Variants in SEPTIN11 observed in about 807,000 individuals in gnomAD.
SEPTIN11 encodes septin-11.
In SEPTIN11, 25 loss-of-function variants were observed where a neutral mutation model predicts 51.4. The observed-to-expected ratio is 0.49, with a 90% CI of 0.35 to 0.68. The LOEUF (loss-of-function observed/expected upper bound fraction) is 0.68. Ranked by LOEUF, SEPTIN11 falls within the 30% of genes least tolerant of loss-of-function variation. The pLI, the probability that SEPTIN11 is intolerant of heterozygous loss-of-function variation, is 0.00. For synonymous variants in SEPTIN11, 174 were observed against 184.1 expected (o/e 0.95, Z 0.44); for missense variants, 381 against 520.8 (o/e 0.73, Z 2.61).
At chr4:76,992,356 T>C (rs566035662) in intron 1 of SEPTIN11, among the ~76,000 whole-genome samples, 6 of 152,230 alleles carry the variant, frequency 3.9e-5, no homozygotes, top group Admixed American at 3.3e-4. Context: ...GAAATAATTA[T>C]GCTGTCTGGG....
chr4:77,019,243 C>A lies in SEPTIN11; in HGVS notation c.766C>A (p.Pro256Thr). The change falls in exon 6 of 10, where the codon CCC (proline) becomes ACC (threonine). Residue 256 changes from proline to threonine, a missense_variant. Around this residue, in one of 2 missense-constraint regions of SEPTIN11, gnomAD observed 197 missense variants for 313.1 expected, o/e 0.63. Coordinates refer to ENST00000264893, the MANE Select transcript of SEPTIN11 (RefSeq NM_018243.4). ...CAAGATGGCAAAGGCCAGGCAGTAC[C>A]CCTGGGGTGTGGTGCAGGGTATGTG... ...GNKMAKARQY[P>T]WGVVQVENEN... 6.2e-7 allele frequency: 1 copy of A among 1,612,722 alleles called. No homozygotes were observed. The highest frequency in any genetic ancestry group is 8.5e-7 in the Non-Finnish European group (1 of 1,179,540).
Position 77,038,242 on chromosome 4 carries a change from C to T in SEPTIN11, c.*3730C>T. On this transcript the variant is annotated 3_prime_UTR_variant, in exon 10 of 10. Transcript: ENST00000264893. ...TTTAAATAAATTGAAAAGCTGTGAA[C>T]AGCATTAGAACTTTGTCTATTTCTT... 2.0e-6 allele frequency: 2 copies of T among 985,658 alleles called. No individual in the cohort carries two copies. The highest frequency in any genetic ancestry group is 2.4e-6 in the Non-Finnish European group (2 of 829,740). 61.1% of individuals were successfully genotyped at this position (985,658 alleles called of 1,614,324 possible). A position where few individuals can be genotyped will look rare whatever the true frequency, so the allele number is the denominator to read the frequency against.
chr4:77,023,843 A>G (rs889164178), intron 7 of SEPTIN11, among the ~76,000 whole-genome samples: 1 of 152,166 alleles, frequency 6.6e-6, no homozygotes, highest in African/African-American at 2.4e-5. Context: ...ATTTTCCAGA[A>G]TTTCATCTGC....
rs961273734 is a variant in SEPTIN11 at position 77,035,716 on chromosome 4, G to C, written c.*1204G>C. On this transcript the variant is annotated 3_prime_UTR_variant, in exon 10 of 10. Transcript: ENST00000264893. ...TTCCTCACCTTGGCTAGCTCCACCT[G>C]CTCTTTGTCTAAGGCCCTTGCCTCA... The C allele has an allele frequency of 8.7e-5, 86 of 985,770 alleles. No individual in the cohort carries two copies. The highest frequency in any genetic ancestry group is 9.9e-5 in the Non-Finnish European group (82 of 829,958). 61.1% of individuals were successfully genotyped at this position (985,770 alleles called of 1,614,324 possible). A position where few individuals can be genotyped will look rare whatever the true frequency, so the allele number is the denominator to read the frequency against.
chr4:77,025,524 G>A (rs111923088), intron 7 of SEPTIN11, among the ~76,000 whole-genome samples: 1 of 151,420 alleles, frequency 6.6e-6, no homozygotes, highest in East Asian at 1.9e-4. Flanking sequence ...CAGCCTGGGT[G>A]AGACAGTAGG....
chr4:76,998,316 G>A (rs772979014), intron 2 of SEPTIN11, among the ~76,000 whole-genome samples: 5 of 152,102 alleles, frequency 3.3e-5, no homozygotes, highest in Non-Finnish European at 7.4e-5. Flanking sequence ...TAACACTGTG[G>A]GATCCTTCTA....
chr4:77,036,519 CG>C lies in SEPTIN11; in HGVS notation c.*2008del. 1 of 1,369,414 alleles carries C rather than the reference CG, an allele frequency of 7.3e-7. No homozygotes were observed. Among genetic ancestry groups the C allele is most frequent in the Non-Finnish European group, 9.4e-7 (1 of 1,065,086 alleles). The allele number at this position is 1,369,414 out of a possible 1,614,324, so 84.8% of individuals were successfully genotyped here. The stretch of plus-strand genomic sequence containing the variant: ...AATTTTTTTAAAATGAGCATAACAA[CG>C]AAAGGCATCCAGCTGACTTTTTGAT... On this transcript the variant is annotated 3_prime_UTR_variant, in exon 10 of 10. Coordinates refer to ENST00000264893, the MANE Select transcript of SEPTIN11 (RefSeq NM_018243.4).
chr4:77,008,382 A>G (rs1210579891), intron 3 of SEPTIN11, among the ~76,000 whole-genome samples: 1 of 152,230 alleles, frequency 6.6e-6, no homozygotes, highest in Admixed American at 6.5e-5. Flanking sequence ...TTTCAACCTC[A>G]CCAAATCTTT....
At chr4:77,007,197 C>T (rs2109950256) in intron 3 of SEPTIN11, among the ~76,000 whole-genome samples, 1 of 152,236 alleles carries the variant, frequency 6.6e-6, no homozygotes, top group Non-Finnish European at 1.5e-5. Context: ...AGGAAAGGGG[C>T]ACAAGTGCAT....
chr4:77,030,116 T>G (rs1282260780), intron 8 of SEPTIN11, among the ~76,000 whole-genome samples: 6 of 151,912 alleles, frequency 3.9e-5, no homozygotes, highest in Non-Finnish European at 7.4e-5. Flanking sequence ...ATTAGCTGGG[T>G]GTGGTGGCGC....
At chr4:76,950,023 G>C in intron 1 of SEPTIN11, 93 bp downstream of exon 1, 1 of 1,255,406 alleles carries the variant, frequency 8.0e-7, no homozygotes, top group Non-Finnish European at 1.0e-6. Flanking sequence ...AGCCGGGCGG[G>C]TGCTCGGCCC....
intron 1 of SEPTIN11, among the ~76,000 whole-genome samples, chr4:76,950,232 G>T (rs975562938): frequency 8.5e-5 from 13 of 152,146 alleles, no homozygotes; most frequent in Non-Finnish European, 1.8e-4. Flanking sequence ...TGTCTCAGCC[G>T]CCTCCCTCTG....
chr4:76,996,348 A>G (rs2109935178), intron 1 of SEPTIN11, 77 bp from the exon 2 acceptor site: 1 of 1,056,684 alleles, frequency 9.5e-7, no homozygotes, highest in Non-Finnish European at 1.5e-6. Context: ...AAGAAGAAAG[A>G]ATGTAATGTT....
At chr4:77,022,485 C>G (rs552963368) in intron 7 of SEPTIN11, among the ~76,000 whole-genome samples, 40 of 152,304 alleles carry the variant, frequency 2.6e-4, no homozygotes, top group Admixed American at 2.6e-3. Flanking sequence ...GCAGGCCAAA[C>G]GGTCTCTGTC....
chr4:76,952,294 C>T (rs2109873652), intron 1 of SEPTIN11, among the ~76,000 whole-genome samples: 1 of 152,258 alleles, frequency 6.6e-6, no homozygotes, highest in East Asian at 1.9e-4. Context: ...GAAGGGTGCG[C>T]TGAGGGAAAA....
At chr4:76,959,553 A>G (rs1721732906) in intron 1 of SEPTIN11, among the ~76,000 whole-genome samples, 1 of 152,074 alleles carries the variant, frequency 6.6e-6, no homozygotes, top group Admixed American at 6.5e-5. Flanking sequence ...TATAGTGCCT[A>G]TTTTGTTCTG....
chr4:77,032,431 C>A lies in SEPTIN11; in HGVS notation c.1274+1461C>A, dbSNP rs554365437. 1.4e-4 allele frequency among the ~76,000 whole-genome samples: 21 copies of A among 152,304 alleles called. 1 individual carries two copies. The South Asian group carries it at 4.4e-3, about 32-fold the overall frequency. ...CTATGCATGTCGGGAGAGCATCTAACACTAATGGTGATGTTTCCCATGCAG... is the reference window on the plus strand; with the variant it reads ...CTATGCATGTCGGGAGAGCATCTAAAACTAATGGTGATGTTTCCCATGCAG... On this transcript the variant is annotated intron_variant, in intron 9 of 9. Coordinates refer to ENST00000264893, the MANE Select transcript of SEPTIN11 (RefSeq NM_018243.4).
chr4:77,035,021 G>T lies in SEPTIN11; in HGVS notation c.*509G>T, dbSNP rs1726937073. 9.1e-6 allele frequency: 9 copies of T among 985,658 alleles called. No individual in the cohort carries two copies. Among genetic ancestry groups the T allele is most frequent in the Non-Finnish European group, 1.1e-5 (9 of 830,094 alleles). The allele number at this position is 985,658 out of a possible 1,614,324, so 61.1% of individuals were successfully genotyped here. ...GGTAGATTTGTACGTAGACAGACTGGTGAGCAAGCATTATATTTTATTTTT... is the reference window on the plus strand; with the variant it reads ...GGTAGATTTGTACGTAGACAGACTGTTGAGCAAGCATTATATTTTATTTTT... On this transcript the variant is annotated 3_prime_UTR_variant, in exon 10 of 10. Coordinates refer to ENST00000264893, the MANE Select transcript of SEPTIN11 (RefSeq NM_018243.4).
chr4:77,003,903 G>A (rs1049625504), intron 2 of SEPTIN11, among the ~76,000 whole-genome samples: 2 of 152,184 alleles, frequency 1.3e-5, no homozygotes, highest in African/African-American at 4.8e-5. Flanking sequence ...GGGATTAGAA[G>A]TAGTTGAAAG....
Sources: gnomAD v4.1 joint callset for allele counts (sites outside exome capture counted in the v4.1 genomes callset) on GRCh38, gnomAD v4.1.1 for gene constraint, gnomAD v4.1.1 regional missense constraint, MANE v1.5 for transcripts, NCBI Gene and HGNC (gene_info 2026-07-23, HGNC 2026-07-21) for gene names.